The following NOL10 variants were observed in gnomAD, a reference collection of about 807,000 sequenced individuals.
The protein encoded by NOL10 is nucleolar protein 10, also known as H_NH0074G24.1.
In NOL10, 58 loss-of-function variants were observed where a neutral mutation model predicts 103.5. That is an observed-to-expected ratio of 0.56 (90% CI 0.45 to 0.70). The LOEUF (loss-of-function observed/expected upper bound fraction) is 0.70, where lower values mean the gene tolerates loss of function less well. Among genes scored for constraint, NOL10 ranks in the 30% least tolerant of loss-of-function variants. NOL10 has a pLI of 0.00. For synonymous variants in NOL10, 287 were observed against 282.5 expected (o/e 1.02, Z -0.16); for missense variants, 763 against 807.3 (o/e 0.95, Z 0.67).
intron 12 of NOL10, among the ~76,000 whole-genome samples, chr2:10,653,683 C>T (rs1679636230): frequency 6.6e-6 from 1 of 152,132 alleles, no homozygotes; most frequent in South Asian, 2.1e-4. Context: ...TGTGCCCATC[C>T]TTTTTGGTCA....
In NOL10 at chr2:10,643,255, T is replaced by TA. The variant is rs147675750; in HGVS notation, c.1026+1064dup. On this transcript the variant is annotated intron_variant, in intron 13 of 20. Transcript: ENST00000381685. ...TCAACAGCAAGCAGCATGCTTTTTT[T>TA]ATGTGTGAAAATACATAACTGAGCA... Among the ~76,000 whole-genome samples the TA allele has an allele frequency of 2.4e-3, 371 of 152,322 alleles. 2 individuals carry two copies. Among genetic ancestry groups the TA allele is most frequent in the African/African-American group, 8.5e-3 (352 of 41,574 alleles).
intron 1 of NOL10, among the ~76,000 whole-genome samples, chr2:10,686,880 A>G (rs1296318568): frequency 6.6e-6 from 1 of 152,150 alleles, no homozygotes; most frequent in Non-Finnish European, 1.5e-5. Context: ...TCTACTTTGG[A>G]CAAGTTAAGT....
intron 3 of NOL10, among the ~76,000 whole-genome samples, chr2:10,679,472 CAAT>C (rs1681566897): frequency 6.6e-6 from 1 of 152,030 alleles, no homozygotes; most frequent in Admixed American, 6.6e-5. Context: ...TTCAAGGTTA[CAAT>C]GAGTGAAACC....
In NOL10 at chr2:10,603,045, C is replaced by T. The variant is rs374496081; in HGVS notation, c.1233+33G>A. Reference sequence around the variant, plus strand: ...ATGGCCACAGACTGCGCATTAGTTACCTGAAACATAATAACTGTAGTTTTC... The same window carrying T: ...ATGGCCACAGACTGCGCATTAGTTATCTGAAACATAATAACTGTAGTTTTC... On this transcript the variant is annotated intron_variant, in intron 15 of 20. Transcript: ENST00000381685. 92 of 1,532,262 alleles carry T rather than the reference C, an allele frequency of 6.0e-5. No homozygotes were observed. In the South Asian group the frequency reaches 9.5e-4, roughly 16 times the overall value. 94.9% of individuals were successfully genotyped at this position (1,532,262 alleles called of 1,614,324 possible). A position where few individuals can be genotyped will look rare whatever the true frequency, so the allele number is the denominator to read the frequency against.
chr2:10,662,987 C>A lies in NOL10; in HGVS notation c.649G>T (p.Ala217Ser). The A allele has an allele frequency of 1.9e-6, 3 of 1,613,810 alleles. No individual in the cohort carries two copies. The highest frequency in any genetic ancestry group is 2.5e-6 in the Non-Finnish European group (3 of 1,179,760). ...GAATCTGCTGTGACACTGTTTAAGGCGCAGTCTAACAGGCCAACTCTGTTT... is the reference window on the plus strand; with the variant it reads ...GAATCTGCTGTGACACTGTTTAAGGAGCAGTCTAACAGGCCAACTCTGTTT... ...TRNRVGLLDCALNSVTADSEI... is the reference protein window; with the variant it reads ...TRNRVGLLDCSLNSVTADSEI... Residue 217 changes from alanine to serine, a missense_variant, in exon 9 of 21, where the codon GCC (alanine) becomes TCC (serine). Coordinates refer to ENST00000381685, the MANE Select transcript of NOL10 (RefSeq NM_024894.4).
intron 19 of NOL10, among the ~76,000 whole-genome samples, chr2:10,581,338 C>A (rs927555710): frequency 6.6e-6 from 1 of 152,156 alleles, no homozygotes; most frequent in African/African-American, 2.4e-5. Flanking sequence ...AAATACTTGT[C>A]CGTGTGCATA....
intron 3 of NOL10, 57 bp from the exon 4 acceptor site, chr2:10,675,928 C>T: frequency 1.2e-6 from 1 of 861,668 alleles, no homozygotes; most frequent in South Asian, 1.7e-5. Context: ...GTCAAAACAT[C>T]CAGATACATT....
chr2:10,621,053 C>T (rs756224543), intron 13 of NOL10, among the ~76,000 whole-genome samples: 4 of 152,168 alleles, frequency 2.6e-5, no homozygotes, highest in Non-Finnish European at 5.9e-5. Flanking sequence ...CTCGGCCTCC[C>T]AAAGTGCTGG....
At chr2:10,671,135 T>G (rs1314382067) in intron 6 of NOL10, among the ~76,000 whole-genome samples, 1 of 152,132 alleles carries the variant, frequency 6.6e-6, no homozygotes, top group Non-Finnish European at 1.5e-5. Context: ...ATTACTGACA[T>G]GAAGCAAACT....
At chr2:10,675,350 A>G (rs886178137) in intron 4 of NOL10, among the ~76,000 whole-genome samples, 1 of 152,130 alleles carries the variant, frequency 6.6e-6, no homozygotes, top group Non-Finnish European at 1.5e-5. Context: ...TGACAGCCAG[A>G]AGGAAATGGG....
intron 6 of NOL10, among the ~76,000 whole-genome samples, chr2:10,669,079 A>C (rs1167970517): frequency 1.3e-5 from 2 of 151,574 alleles, no homozygotes; most frequent in African/African-American, 4.8e-5. Flanking sequence ...TTATGGCTGA[A>C]TTTTTTCTTT....
chr2:10,625,041 G>C (rs1488354463), intron 13 of NOL10, among the ~76,000 whole-genome samples: 1 of 152,172 alleles, frequency 6.6e-6, no homozygotes, highest in Non-Finnish European at 1.5e-5. Flanking sequence ...CATACTGTAT[G>C]ATTTCAGCTA....
intron 13 of NOL10, among the ~76,000 whole-genome samples, chr2:10,636,167 C>T (rs1008981236): frequency 2.6e-5 from 4 of 152,174 alleles, no homozygotes; most frequent in Non-Finnish European, 4.4e-5. Flanking sequence ...GGATTACAGG[C>T]ATGAGCCACC....
At chr2:10,580,020 C>T (rs980495895) in intron 19 of NOL10, among the ~76,000 whole-genome samples, 14 of 152,308 alleles carry the variant, frequency 9.2e-5, no homozygotes, top group South Asian at 4.1e-4. Context: ...TTTGGAAAGA[C>T]AAGCTGAGTT....
chr2:10,606,344 A>T lies in NOL10; in HGVS notation c.1153+841T>A, dbSNP rs190804017. ...AACGCTTAGAATACTGCCTGCACAG[A>T]CTGGGCGTGGTGGCTCGCACCTGTA... On this transcript the variant is annotated intron_variant, in intron 14 of 20. Coordinates refer to ENST00000381685, the MANE Select transcript of NOL10 (RefSeq NM_024894.4). Among the ~76,000 whole-genome samples the T allele has an allele frequency of 4.0e-3, 613 of 152,078 alleles. 5 individuals are homozygous for T. The highest frequency in any genetic ancestry group is 6.1e-3 in the Non-Finnish European group (412 of 67,976).
chr2:10,628,112 T>C (rs981400735), intron 13 of NOL10, among the ~76,000 whole-genome samples: 14 of 152,202 alleles, frequency 9.2e-5, no homozygotes, highest in Admixed American at 3.9e-4. Flanking sequence ...CAATGTCCTA[T>C]CATTTTCTGT....
intron 6 of NOL10, among the ~76,000 whole-genome samples, chr2:10,669,983 C>T (rs1680823644): frequency 6.6e-6 from 1 of 151,886 alleles, no homozygotes; most frequent in Non-Finnish European, 1.5e-5. Context: ...GAGGCCAAAG[C>T]AAGAGGATCT....
chr2:10,657,612 C>T (rs1022286423), intron 11 of NOL10, 130 bp downstream of exon 11: 26 of 690,708 alleles, frequency 3.8e-5, no homozygotes, highest in Admixed American at 1.0e-4. Context: ...ACTGACCTCC[C>T]GCTAAGTTCC....
Position 10,638,792 on chromosome 2 carries a change from CTTTTTTTT to C in NOL10, c.1026+5520_1026+5527del, listed in dbSNP as rs575658225. Among the ~76,000 whole-genome samples, 344 of 52,838 alleles carry C rather than the reference CTTTTTTTT, an allele frequency of 6.5e-3. 3 individuals carry two copies. Among genetic ancestry groups the C allele is most frequent in the African/African-American group, 0.03 (318 of 10,704 alleles). 34.7% of individuals were successfully genotyped at this position (52,838 alleles called of 152,430 possible). A position where few individuals can be genotyped will look rare whatever the true frequency, so the allele number is the denominator to read the frequency against. ...AGGCGTTTGAGCCACCGTGCCTGGC[CTTTTTTTT>C]TTTTTTTTTTTTTTTTTTTTGAGAC... On this transcript the variant is annotated intron_variant, in intron 13 of 20. Coordinates refer to ENST00000381685, the MANE Select transcript of NOL10 (RefSeq NM_024894.4).
Sources: gnomAD v4.1 joint callset for allele counts (sites outside exome capture counted in the v4.1 genomes callset) on GRCh38, gnomAD v4.1.1 for gene constraint, MANE v1.5 for transcripts, NCBI Gene and HGNC (gene_info 2026-07-23, HGNC 2026-07-21) for gene names.